The following KIAA0586 variants were observed in gnomAD, a reference collection of about 807,000 sequenced individuals.
The protein encoded by KIAA0586 is KIAA0586.
KIAA0586 carries 144 observed loss-of-function variants against 169.8 expected under a neutral mutation model. The observed-to-expected ratio is 0.85, with a 90% CI of 0.74 to 0.97. The LOEUF is 0.97. Among genes scored for constraint, KIAA0586 ranks in the 50% least tolerant of loss-of-function variants. The probability of loss-of-function intolerance (pLI) is 0.00; values close to 1 mark genes in which losing one functional copy is unlikely to be tolerated. For missense variants in KIAA0586, 1,854 were observed against 1,823.0 expected, an observed-to-expected ratio of 1.02 and a Z score of -0.31; for synonymous variants, 625 against 612.4, an observed-to-expected ratio of 1.02 and a Z score of -0.30.
intron 13 of KIAA0586, 48 bp downstream of exon 13, chr14:58,460,118 A>T (rs980912884): frequency 5.5e-6 from 6 of 1,094,882 alleles, no homozygotes; most frequent in African/African-American, 4.8e-5. Context: ...GTTATAATTG[A>T]TCATTTCCTT....
intron 29 of KIAA0586, among the ~76,000 whole-genome samples, chr14:58,532,712 T>C (rs1031883174): frequency 2.6e-5 from 4 of 152,210 alleles, no homozygotes; most frequent in African/African-American, 9.6e-5. Context: ...CTAAAAATGG[T>C]GATTCCAAAT....
In KIAA0586 at chr14:58,488,726, G is replaced by A. The variant is rs780785984; in HGVS notation, c.3633G>A (p.Lys1211=). Reference sequence around the variant, plus strand: ...TTATGCCATTTCCTGCCGGCACCAAGGCCCCTTCCCCCTCACAGATGCCAG... The same window carrying A: ...TTATGCCATTTCCTGCCGGCACCAAAGCCCCTTCCCCCTCACAGATGCCAG... ...VPFMPFPAGT[K]APSPSQMPGS... is the part of the protein sequence containing the mutation. Residue 1211 remains lysine, a synonymous_variant, in exon 24 of 31, where the codon AAG becomes AAA. Coordinates refer to ENST00000652326, the MANE Select transcript of KIAA0586 (RefSeq NM_001329943.3). 1 of 1,613,812 alleles carries A rather than the reference G, an allele frequency of 6.2e-7. No homozygotes were observed. Among genetic ancestry groups the A allele is most frequent in the East Asian group, 2.2e-5 (1 of 44,856 alleles).
chr14:58,508,650 C>CT lies in KIAA0586; in HGVS notation c.4266dup (p.Leu1423SerfsTer7). The CT allele has an allele frequency of 6.3e-7, 1 of 1,595,072 alleles. No homozygotes were observed. Among genetic ancestry groups the CT allele is most frequent in the African/African-American group, 1.3e-5 (1 of 74,854 alleles). On this transcript the variant is annotated frameshift_variant, in exon 28 of 31. Coordinates refer to ENST00000652326, the MANE Select transcript of KIAA0586 (RefSeq NM_001329943.3). LOFTEE classifies it high-confidence loss of function. Reference sequence around the variant, plus strand: ...TTCTAAGCTGGTTCTTCCCACAACACTTCTGACAGCACAAGAAAATGATGT... The same window carrying CT: ...TTCTAAGCTGGTTCTTCCCACAACACTTTCTGACAGCACAAGAAAATGATGT...
intron 27 of KIAA0586, among the ~76,000 whole-genome samples, chr14:58,500,508 C>A (rs2043488594): frequency 6.6e-6 from 1 of 152,054 alleles, no homozygotes; most frequent in Non-Finnish European, 1.5e-5. Flanking sequence ...AGTTTAAGAC[C>A]AGCCTGGCCA....
At chr14:58,484,898 A>ATT (rs1555391496) in intron 21 of KIAA0586, among the ~76,000 whole-genome samples, 2 of 4,894 alleles carry the variant, frequency 4.1e-4, no homozygotes, top group Non-Finnish European at 8.4e-4. Flanking sequence ...ATTTATATAT[A>ATT]TATATATATA....
At chr14:58,441,250 A>G (rs1306994439) in intron 4 of KIAA0586, 1 of 415,918 alleles carries the variant, frequency 2.4e-6, no homozygotes, top group South Asian at 1.6e-5. Flanking sequence ...GGCTGGAGTG[A>G]TCACAGTGGG....
chr14:58,548,492 G>A lies in KIAA0586; in HGVS notation c.*560G>A, dbSNP rs1016969012. The A allele has an allele frequency of 6.6e-6, 1 of 152,144 alleles. No individual in the cohort carries two copies. Among genetic ancestry groups the A allele is most frequent in the Non-Finnish European group, 1.5e-5 (1 of 68,024 alleles). 9.4% of individuals were successfully genotyped at this position (152,144 alleles called of 1,614,324 possible). A position where few individuals can be genotyped will look rare whatever the true frequency, so the allele number is the denominator to read the frequency against. On this transcript the variant is annotated 3_prime_UTR_variant, in exon 31 of 31. Transcript: ENST00000652326. ...TTGTTGAAATTATTTAAAATGGGGT[G>A]GGGAGGAATTCAAATGTATGGTATG...
intron 4 of KIAA0586, among the ~76,000 whole-genome samples, chr14:58,435,433 T>G (rs1445499365): frequency 6.6e-6 from 1 of 152,192 alleles, no homozygotes; most frequent in African/African-American, 2.4e-5. Context: ...AATTAGCATA[T>G]CCATCATCTG....
rs192115811 is a variant in KIAA0586 at position 58,544,981 on chromosome 14, A to C, written c.4496-2800A>C. On this transcript the variant is annotated intron_variant, in intron 30 of 30. Transcript: ENST00000652326. ...TCTTTTCAGTCCCAACTCAATGGCTACCTTCCACTTCATTTAAGTATTCCT... is the reference window on the plus strand; with the variant it reads ...TCTTTTCAGTCCCAACTCAATGGCTCCCTTCCACTTCATTTAAGTATTCCT... 2.6e-5 allele frequency among the ~76,000 whole-genome samples: 4 copies of C among 152,292 alleles called. No individual in the cohort carries two copies. In the East Asian group the frequency reaches 7.7e-4, roughly 29 times the overall value.
chr14:58,446,787 T>G (rs1448643022), intron 6 of KIAA0586, among the ~76,000 whole-genome samples: 1 of 152,140 alleles, frequency 6.6e-6, no homozygotes, highest in Non-Finnish European at 1.5e-5. Context: ...AAGTACTCCC[T>G]GCATGACTAA....
At chr14:58,452,553 A>C (rs2039476906) in intron 8 of KIAA0586, among the ~76,000 whole-genome samples, 3 of 152,236 alleles carry the variant, frequency 2.0e-5, no homozygotes, top group Admixed American at 2.0e-4. Context: ...TACTTTGAAG[A>C]AATAGATAAA....
chr14:58,553,272 T>C (rs1471902909), downstream of KIAA0586, among the ~76,000 whole-genome samples: 1 of 152,222 alleles, frequency 6.6e-6, no homozygotes, highest in African/African-American at 2.4e-5. Flanking sequence ...ATTTGTTTGC[T>C]AGCATTAAGC....
At chr14:58,497,396 G>T (rs1595379704) in intron 26 of KIAA0586, among the ~76,000 whole-genome samples, 1 of 148,532 alleles carries the variant, frequency 6.7e-6, no homozygotes, top group African/African-American at 2.5e-5. Flanking sequence ...GTATCACTCT[G>T]TCGCCCAGGC....
intron 4 of KIAA0586, among the ~76,000 whole-genome samples, chr14:58,439,409 G>A (rs948112493): frequency 2.0e-5 from 3 of 151,954 alleles, no homozygotes; most frequent in South Asian, 2.1e-4. Flanking sequence ...GGATGGTCTC[G>A]ATCTCCTGAC....
intron 29 of KIAA0586, among the ~76,000 whole-genome samples, chr14:58,522,818 A>C (rs1472993931): frequency 6.6e-6 from 1 of 152,212 alleles, no homozygotes; most frequent in Non-Finnish European, 1.5e-5. Flanking sequence ...AAGCGTGGCA[A>C]CAAGTGTGTT....
At chr14:58,516,254 A>G (rs1183759388) in intron 29 of KIAA0586, among the ~76,000 whole-genome samples, 3 of 152,142 alleles carry the variant, frequency 2.0e-5, no homozygotes. Context: ...GCAGGCCTGA[A>G]TGAGAGGAGT....
chr14:58,473,064 G>T (rs1426074446), intron 18 of KIAA0586, among the ~76,000 whole-genome samples: 1 of 150,946 alleles, frequency 6.6e-6, no homozygotes, highest in Non-Finnish European at 1.5e-5. Flanking sequence ...ACAAGCGAAA[G>T]AAATGGTTAT....
Position 58,487,025 on chromosome 14 carries a change from C to A in KIAA0586, c.3163C>A (p.Leu1055Met), listed in dbSNP as rs770948956. The change falls in exon 22 of 31, where the codon CTG becomes ATG. Residue 1055 changes from leucine to methionine, a missense_variant. Leu to Met is a conservative substitution (Grantham distance 15). Coordinates refer to ENST00000652326, the MANE Select transcript of KIAA0586 (RefSeq NM_001329943.3). ...TYLPARVCTPLPTPQPTPPCS... is the reference protein window; with the variant it reads ...TYLPARVCTPMPTPQPTPPCS... ...ATTTTAGGCAAGAGTGTGCACCCCA[C>A]TGCCTACCCCACAGCCTACGCCTCC... 6.2e-7 allele frequency: 1 copy of A among 1,610,382 alleles called. No homozygotes were observed. The highest frequency in any genetic ancestry group is 1.1e-5 in the South Asian group (1 of 90,242).
intron 10 of KIAA0586, among the ~76,000 whole-genome samples, chr14:58,457,289 G>A (rs1023397570): frequency 1.3e-5 from 2 of 151,524 alleles, no homozygotes. Context: ...CTTTTTTTGA[G>A]TCAGAGTCTT....
Sources: allele counts gnomAD v4.1 joint callset (sites outside exome capture counted in the v4.1 genomes callset), GRCh38; gene constraint gnomAD v4.1.1; transcripts MANE v1.5; gene names NCBI Gene and HGNC (gene_info 2026-07-23, HGNC 2026-07-21).